The following NAALADL2 variants were observed in gnomAD, a reference collection of about 807,000 sequenced individuals.
The protein encoded by NAALADL2 is inactive N-acetylated-alpha-linked acidic dipeptidase-like protein 2.
NAALADL2 carries 76 observed loss-of-function variants against 87.2 expected under a neutral mutation model. That is an observed-to-expected ratio of 0.87 (90% CI 0.72 to 1.05). NAALADL2 has a LOEUF of 1.05. NAALADL2 is among the 50% of genes least tolerant of loss of function. The pLI is 0.00. For missense variants in NAALADL2, 1,089 were observed against 945.8 expected (o/e 1.15, Z -1.99); for synonymous variants, 354 against 331.0 (o/e 1.07, Z -0.75).
At chr3:175,469,085 G>A (rs961015436) in intron 8 of NAALADL2, among the ~76,000 whole-genome samples, 9 of 151,926 alleles carry the variant, frequency 5.9e-5, no homozygotes, top group Admixed American at 2.0e-4. Context: ...TTTACATTTA[G>A]CAAGTGATTA....
chr3:174,783,170 A>C (rs1716200425), intron 3 of NAALADL2, among the ~76,000 whole-genome samples: 1 of 152,154 alleles, frequency 6.6e-6, no homozygotes, highest in Non-Finnish European at 1.5e-5. Flanking sequence ...CATCATCTTA[A>C]ACATTTACAG....
chr3:174,783,007 G>A (rs1474307084), intron 3 of NAALADL2, among the ~76,000 whole-genome samples: 1 of 152,002 alleles, frequency 6.6e-6, no homozygotes, highest in Admixed American at 6.6e-5. Context: ...GGTACTTGGC[G>A]TCTCTTGGCT....
At chr3:174,659,640 C>T (rs1725321144) in intron 2 of NAALADL2, among the ~76,000 whole-genome samples, 1 of 152,206 alleles carries the variant, frequency 6.6e-6, no homozygotes, top group Admixed American at 6.6e-5. Context: ...GTCTTCTAAT[C>T]TCTCCTGGAT....
At chr3:175,334,476 C>T (rs1407272933) in intron 5 of NAALADL2, among the ~76,000 whole-genome samples, 1 of 152,156 alleles carries the variant, frequency 6.6e-6, no homozygotes, top group Non-Finnish European at 1.5e-5. Flanking sequence ...CACCTCACTT[C>T]ACCTACCCCC....
Position 175,073,638 on chromosome 3 carries a change from G to A in NAALADL2, c.44-23152G>A, listed in dbSNP as rs146147026. Among the ~76,000 whole-genome samples, 3 of 152,098 alleles carry A rather than the reference G, an allele frequency of 2.0e-5. No homozygotes were observed. The East Asian group carries it at 5.8e-4, about 29-fold the overall frequency. On this transcript the variant is annotated intron_variant, in intron 1 of 13. Coordinates refer to ENST00000454872, the MANE Select transcript of NAALADL2 (RefSeq NM_207015.3). ...TTCATTTATTCTGAAGTATTGTGAA[G>A]AATGTATTTCAAGTCTGTTCTACAG...
At chr3:174,715,141 G>A (rs994502665) in intron 2 of NAALADL2, among the ~76,000 whole-genome samples, 8 of 152,036 alleles carry the variant, frequency 5.3e-5, no homozygotes, top group African/African-American at 1.4e-4. Flanking sequence ...TAGACAAGAA[G>A]GTTTAAGATA....
At chr3:174,688,453 G>T (rs866945990) in intron 2 of NAALADL2, among the ~76,000 whole-genome samples, 1 of 131,400 alleles carries the variant, frequency 7.6e-6, no homozygotes, top group African/African-American at 2.8e-5. Context: ...GAGAAATAGT[G>T]TAAAGATTAA....
At chr3:174,996,106 A>T (rs1205491022) in intron 1 of NAALADL2, among the ~76,000 whole-genome samples, 1 of 152,172 alleles carries the variant, frequency 6.6e-6, no homozygotes, top group Non-Finnish European at 1.5e-5. Context: ...TTAAAGAAAG[A>T]TTTGCCAACG....
intron 4 of NAALADL2, among the ~76,000 whole-genome samples, chr3:175,308,348 T>A (rs1757957292): frequency 6.6e-6 from 1 of 152,176 alleles, no homozygotes; most frequent in Non-Finnish European, 1.5e-5. Flanking sequence ...CATCATTTCT[T>A]TGCACTCAGA....
At chr3:175,758,392 T>C (rs1747549725) in intron 13 of NAALADL2, among the ~76,000 whole-genome samples, 1 of 151,848 alleles carries the variant, frequency 6.6e-6, no homozygotes, top group African/African-American at 2.4e-5. Context: ...GTTACTATAT[T>C]AATTTATATA....
At chr3:174,890,086 G>A (rs1364094088) in intron 1 of NAALADL2, among the ~76,000 whole-genome samples, 1 of 152,090 alleles carries the variant, frequency 6.6e-6, no homozygotes, top group Non-Finnish European at 1.5e-5. Context: ...GATAATATCG[G>A]TACCATCACT....
At chr3:175,529,867 G>A (rs1337496764) in intron 9 of NAALADL2, among the ~76,000 whole-genome samples, 2 of 152,180 alleles carry the variant, frequency 1.3e-5, no homozygotes, top group Non-Finnish European at 2.9e-5. Context: ...TCCAGAGTAA[G>A]TGTCTATTCC....
At chr3:175,289,598 C>G (rs1755402000) in intron 4 of NAALADL2, among the ~76,000 whole-genome samples, 1 of 56,002 alleles carries the variant, frequency 1.8e-5, no homozygotes, top group Non-Finnish European at 3.9e-5. Context: ...AGCCTCCCTC[C>G]CCCCAAAAAA....
intron 11 of NAALADL2, chr3:175,676,191 A>G (rs995040411): frequency 2.0e-5 from 3 of 152,112 alleles, no homozygotes; most frequent in Non-Finnish European, 2.9e-5. Context: ...TCCAAATAAC[A>G]TTTGTGGTCT....
intron 1 of NAALADL2, among the ~76,000 whole-genome samples, chr3:175,046,227 T>C (rs1199611752): frequency 1.3e-5 from 2 of 152,152 alleles, no homozygotes; most frequent in Non-Finnish European, 2.9e-5. Flanking sequence ...TTCTTGAGTA[T>C]TTGTTTAAAT....
intron 2 of NAALADL2, among the ~76,000 whole-genome samples, chr3:174,603,871 C>T (rs1669665546): frequency 6.6e-6 from 1 of 151,946 alleles, no homozygotes; most frequent in Non-Finnish European, 1.5e-5. Flanking sequence ...TGCATTGTTT[C>T]TAAAATTCCT....
In NAALADL2 at chr3:175,737,549, AT is replaced by A. The variant is rs1744659206; in HGVS notation, c.1990+154del. On this transcript the variant is annotated intron_variant, in intron 12 of 13. Transcript: ENST00000454872. ...CTGATCCTGGGAAGGACCTGGAAGA[AT>A]TTTAGTTTTCATTCAACAAAAATGA... 5.1e-6 allele frequency: 3 copies of A among 587,464 alleles called. No individual in the cohort carries two copies. In the African/African-American group the frequency reaches 5.7e-5, roughly 11 times the overall value. 36.4% of individuals were successfully genotyped at this position (587,464 alleles called of 1,614,324 possible).
chr3:175,067,817 T>C (rs1457926602), intron 1 of NAALADL2, among the ~76,000 whole-genome samples: 2 of 151,990 alleles, frequency 1.3e-5, no homozygotes, highest in East Asian at 1.9e-4. Context: ...CCATTCAAAA[T>C]AGCAAAGACA....
chr3:175,193,488 A>G (rs1477908361), intron 2 of NAALADL2, among the ~76,000 whole-genome samples: 4 of 151,860 alleles, frequency 2.6e-5, no homozygotes, highest in Non-Finnish European at 5.9e-5. Flanking sequence ...CTACACAGAC[A>G]TTTACTCATT....
Sources: allele counts gnomAD v4.1 joint callset (sites outside exome capture counted in the v4.1 genomes callset), GRCh38; gene constraint gnomAD v4.1.1; transcripts MANE v1.5; gene names NCBI Gene and HGNC (gene_info 2026-07-23, HGNC 2026-07-21).